MAP4K3: variants seen among roughly 807,000 people sequenced by gnomAD.
The protein encoded by MAP4K3 is mitogen-activated protein kinase kinase kinase kinase 3.
Under a neutral mutation model 143.5 loss-of-function variants are expected in MAP4K3, and 94 were observed. The ratio of observed to expected loss-of-function variants is 0.65; its 90% CI spans 0.55 to 0.78. MAP4K3 has a LOEUF of 0.78. Ranked by LOEUF, MAP4K3 falls within the 30% of genes least tolerant of loss-of-function variation. MAP4K3 has a pLI of 0.00. For missense variants in MAP4K3, 1,077 were observed against 1,068.1 expected (o/e 1.01, Z -0.12); for synonymous variants, 416 against 347.2 (o/e 1.20, Z -2.20).
chr2:39,255,349 G>C (rs984778819), intron 31 of MAP4K3, among the ~76,000 whole-genome samples: 1 of 152,092 alleles, frequency 6.6e-6, no homozygotes, highest in Admixed American at 6.5e-5. Flanking sequence ...ATTTAGTTTT[G>C]CTTTTTATAT....
At chr2:39,352,075 A>C (rs1665476405) in intron 3 of MAP4K3, among the ~76,000 whole-genome samples, 1 of 152,168 alleles carries the variant, frequency 6.6e-6, no homozygotes, top group Non-Finnish European at 1.5e-5. Context: ...GGTGGCTCAC[A>C]AGGTCAGGAG....
chr2:39,313,873 G>C (rs11688352), intron 13 of MAP4K3, among the ~76,000 whole-genome samples: 59,651 of 152,028 alleles, frequency 0.39, 13,342 homozygotes, highest in East Asian at 0.76. Context: ...GAGAATCACT[G>C]ATATGTTACC....
chr2:39,332,671 C>A (rs1043436164), intron 7 of MAP4K3, among the ~76,000 whole-genome samples: 1 of 151,910 alleles, frequency 6.6e-6, no homozygotes, highest in African/African-American at 2.4e-5. Flanking sequence ...AAATATTAAA[C>A]TGCTGATAAA....
chr2:39,403,143 T>C (rs1361470783), intron 1 of MAP4K3, among the ~76,000 whole-genome samples: 1 of 152,104 alleles, frequency 6.6e-6, no homozygotes, highest in Non-Finnish European at 1.5e-5. Context: ...ACAGAAACTC[T>C]TTCAGAAAAA....
intron 1 of MAP4K3, among the ~76,000 whole-genome samples, chr2:39,382,587 T>A (rs1666381733): frequency 6.6e-6 from 1 of 152,228 alleles, no homozygotes; most frequent in South Asian, 2.1e-4. Flanking sequence ...ATCAAATAAT[T>A]TCATTCTAAA....
intron 21 of MAP4K3, among the ~76,000 whole-genome samples, chr2:39,284,915 T>C (rs978068338): frequency 6.6e-6 from 1 of 151,832 alleles, no homozygotes; most frequent in Non-Finnish European, 1.5e-5. Flanking sequence ...TTTAGAGATA[T>C]GGTCTTGCTC....
At chr2:39,261,173 A>G (rs550110638) in intron 28 of MAP4K3, 3 of 156,568 alleles carry the variant, frequency 1.9e-5, no homozygotes, top group Non-Finnish European at 4.2e-5. Flanking sequence ...AACTGAGCAA[A>G]CATGGATGAG....
intron 1 of MAP4K3, among the ~76,000 whole-genome samples, chr2:39,384,306 G>A (rs995431821): frequency 6.6e-6 from 1 of 152,116 alleles, no homozygotes; most frequent in Non-Finnish European, 1.5e-5. Flanking sequence ...AGCACTTTGG[G>A]AGGCCGAGGT....
rs139277797 is a variant in MAP4K3 at position 39,307,269 on chromosome 2, T to G, written c.1119+674A>C. Reference sequence around the variant, plus strand: ...GAACTATTTACTTAATAACAACTATTAAAAGTATTATTTATTTAACATTTA... The same window carrying G: ...GAACTATTTACTTAATAACAACTATGAAAAGTATTATTTATTTAACATTTA... On this transcript the variant is annotated intron_variant, in intron 15 of 33. Coordinates refer to ENST00000263881, the MANE Select transcript of MAP4K3 (RefSeq NM_003618.4). 2.4e-4 allele frequency among the ~76,000 whole-genome samples: 37 copies of G among 152,264 alleles called. No individual in the cohort carries two copies. The East Asian group carries it at 6.9e-3, about 29-fold the overall frequency.
intron 2 of MAP4K3, 118 bp from the exon 3 acceptor site, chr2:39,356,457 T>C (rs1023658400): frequency 3.2e-6 from 2 of 623,280 alleles, no homozygotes; most frequent in East Asian, 3.1e-5. Flanking sequence ...TAATGAGTTA[T>C]AAATAAAACA....
intron 21 of MAP4K3, chr2:39,283,935 A>C (rs1397947058): frequency 6.6e-6 from 1 of 152,230 alleles, no homozygotes; most frequent in Non-Finnish European, 1.5e-5. Flanking sequence ...AAACTAATAA[A>C]AAAGCTACTG....
At chr2:39,372,481 G>C (rs1666108662) in intron 2 of MAP4K3, among the ~76,000 whole-genome samples, 1 of 147,860 alleles carries the variant, frequency 6.8e-6, no homozygotes, top group African/African-American at 2.5e-5. Context: ...AATAGCCAAA[G>C]CTATCCTAAG....
chr2:39,385,110 C>T (rs1028780599), intron 1 of MAP4K3, among the ~76,000 whole-genome samples: 1 of 152,094 alleles, frequency 6.6e-6, no homozygotes, highest in Non-Finnish European at 1.5e-5. Context: ...CATCCATTTA[C>T]CAGTTGAAGG....
chr2:39,437,022 G>A lies in MAP4K3; in HGVS notation c.-35C>T, dbSNP rs1004719239. ...CAGGTGCCCCCCGCCTCCCTCCCGG[G>A]CAGGGGAGGGGGGCCGCTCAGGGGG... On this transcript the variant is annotated 5_prime_UTR_variant, in exon 1 of 34. Coordinates refer to ENST00000263881, the MANE Select transcript of MAP4K3 (RefSeq NM_003618.4). The A allele has an allele frequency of 2.6e-6, 4 of 1,567,946 alleles. No individual in the cohort carries two copies. Among genetic ancestry groups the A allele is most frequent in the Non-Finnish European group, 3.5e-6 (4 of 1,145,514 alleles).
chr2:39,316,229 A>C (rs1299996072), intron 12 of MAP4K3, among the ~76,000 whole-genome samples: 1 of 152,120 alleles, frequency 6.6e-6, no homozygotes, highest in Non-Finnish European at 1.5e-5. Context: ...TGTGATCACA[A>C]AGGAATACTG....
Position 39,299,801 on chromosome 2 carries a change from C to G in MAP4K3, c.1120G>C (p.Asp374His). Residue 374 changes from aspartate (D) to histidine (H), a missense_variant and splice_region_variant, in exon 16 of 34, where the codon GAT (aspartate) becomes CAT (histidine). By Grantham distance (81) the Asp-to-His change is moderately conservative (BLOSUM62 -1). Coordinates refer to ENST00000263881, the MANE Select transcript of MAP4K3 (RefSeq NM_003618.4). ...CCTTGTCCATATTCCAGTTGCAGAT[C>G]CTAATAGTACAAAATAAAATATTTA... ...EIYYTARSNLDLQLEYGQGHQ... is the reference protein window; with the variant it reads ...EIYYTARSNLHLQLEYGQGHQ... The G allele has an allele frequency of 6.5e-7, 1 of 1,548,596 alleles. No individual in the cohort carries two copies. Among genetic ancestry groups the G allele is most frequent in the Non-Finnish European group, 8.7e-7 (1 of 1,143,436 alleles).
chr2:39,337,762 T>TG (rs1665011617), intron 4 of MAP4K3, among the ~76,000 whole-genome samples, 181 bp from the exon 5 acceptor site: 2 of 133,122 alleles, frequency 1.5e-5, no homozygotes, highest in African/African-American at 2.8e-5. Context: ...GTTTTTTTTT[T>TG]TTTTTTTTTT....
At position 39,302,717 on chromosome 2, in the gene MAP4K3, T is replaced by C. The variant is rs987819530; in HGVS notation, c.1120-2916A>G. On this transcript the variant is annotated intron_variant, in intron 15 of 33. Transcript: ENST00000263881. ...AGTATGCCAGCATAAAAAAAGTTAG[T>C]AGCACTAATCAGGCATCAACTTGTT... 1.1e-4 allele frequency among the ~76,000 whole-genome samples: 16 copies of C among 152,322 alleles called. No individual in the cohort carries two copies. In the East Asian group the frequency reaches 2.9e-3, roughly 28 times the overall value.
intron 3 of MAP4K3, among the ~76,000 whole-genome samples, chr2:39,350,721 C>G (rs774989513): frequency 1.3e-4 from 20 of 152,100 alleles, no homozygotes; most frequent in African/African-American, 4.3e-4. Context: ...TTTTAATCCC[C>G]TCCACCCTAG....
Sources: allele counts gnomAD v4.1 joint callset (sites outside exome capture counted in the v4.1 genomes callset), GRCh38; gene constraint gnomAD v4.1.1; transcripts MANE v1.5; gene names NCBI Gene and HGNC (gene_info 2026-07-23, HGNC 2026-07-21).